SCFD2: variants seen among roughly 807,000 people sequenced by gnomAD.
SCFD2 encodes the protein sec1 family domain-containing protein 2.
Under a neutral mutation model 58.9 loss-of-function variants are expected in SCFD2, and 54 were observed. That is an observed-to-expected ratio of 0.92 (90% CI 0.74 to 1.15). The LOEUF is 1.15. Ranked by LOEUF, SCFD2 falls within the 50% of genes most tolerant of loss-of-function variation. The pLI is 0.00. For synonymous variants in SCFD2, 321 were observed against 335.9 expected (o/e 0.96, Z 0.49); for missense variants, 805 against 836.6 (o/e 0.96, Z 0.47).
Position 52,959,927 on chromosome 4 carries a change from T to TACACACACACACACACACACACACACAC in SCFD2, c.1562-39058_1562-39057insGTGTGTGTGTGTGTGTGTGTGTGTGTGT, listed in dbSNP as rs773748716. On this transcript the variant is annotated intron_variant, in intron 5 of 8. Coordinates refer to ENST00000401642, the MANE Select transcript of SCFD2 (RefSeq NM_152540.4). ...ACACACACACACACACACACACACTTGAATCACCTATACAGAAGAAAACAG... is the reference window on the plus strand; with the variant it reads ...ACACACACACACACACACACACACTTACACACACACACACACACACACACACACGAATCACCTATACAGAAGAAAACAG... Among the ~76,000 whole-genome samples the TACACACACACACACACACACACACACAC allele has an allele frequency of 2.6e-5, 3 of 116,088 alleles. No individual in the cohort carries two copies. In the South Asian group the frequency reaches 8.8e-4, roughly 34 times the overall value. The allele number at this position is 116,088 out of a possible 152,430, so 76.2% of individuals were successfully genotyped here.
intron 5 of SCFD2, among the ~76,000 whole-genome samples, chr4:53,068,344 G>T (rs1432790953): frequency 1.3e-5 from 2 of 151,872 alleles, no homozygotes; most frequent in African/African-American, 4.8e-5. Flanking sequence ...AAATCAATTG[G>T]CAATTTTTCT....
chr4:53,325,394 T>C (rs1733158714), intron 2 of SCFD2, among the ~76,000 whole-genome samples: 1 of 151,602 alleles, frequency 6.6e-6, no homozygotes, highest in Admixed American at 6.6e-5. Flanking sequence ...CACCATTCAA[T>C]CAAATCACAA....
intron 5 of SCFD2, among the ~76,000 whole-genome samples, chr4:52,966,905 C>A (rs1300052442): frequency 6.6e-6 from 1 of 152,130 alleles, no homozygotes; most frequent in South Asian, 2.1e-4. Context: ...GTGGCATTAA[C>A]AACATTCACA....
Position 53,130,942 on chromosome 4 carries a change from A to G in SCFD2, c.1561+14391T>C, listed in dbSNP as rs537456310. Among the ~76,000 whole-genome samples, 5 of 152,330 alleles carry G rather than the reference A, an allele frequency of 3.3e-5. No homozygotes were observed. The East Asian group carries it at 9.6e-4, about 29-fold the overall frequency. ...TTGGGCGCCTGCCCCAACTCTCCTAAATATAGCTCTATCTCTGGCAAATAT... is the reference window on the plus strand; with the variant it reads ...TTGGGCGCCTGCCCCAACTCTCCTAGATATAGCTCTATCTCTGGCAAATAT... On this transcript the variant is annotated intron_variant, in intron 5 of 8. Transcript: ENST00000401642.
At chr4:53,127,052 C>G (rs528918455) in intron 5 of SCFD2, among the ~76,000 whole-genome samples, 3 of 152,250 alleles carry the variant, frequency 2.0e-5, no homozygotes, top group African/African-American at 7.2e-5. Context: ...GAGAAAGAAA[C>G]AGCTAATTTA....
chr4:52,975,983 T>G lies in SCFD2; in HGVS notation c.1562-55113A>C, dbSNP rs1466337579. ...GTGGGAATTGAACAATGAGAACACA[T>G]GGACACAGGAAGCGGAACATCACAC... is the stretch of plus-strand genomic sequence containing the variant. On this transcript the variant is annotated intron_variant, in intron 5 of 8. Coordinates refer to ENST00000401642, the MANE Select transcript of SCFD2 (RefSeq NM_152540.4). 4.9e-5 allele frequency among the ~76,000 whole-genome samples: 6 copies of G among 123,018 alleles called. No individual in the cohort carries two copies. The Admixed American group carries it at 5.4e-4, about 11-fold the overall frequency. The allele number at this position is 123,018 out of a possible 152,430, so 80.7% of individuals were successfully genotyped here.
intron 5 of SCFD2, among the ~76,000 whole-genome samples, chr4:53,010,172 G>C (rs1251429636): frequency 6.6e-6 from 1 of 152,134 alleles, no homozygotes; most frequent in Non-Finnish European, 1.5e-5. Context: ...TTCTTCCCGA[G>C]TTATTATCTT....
chr4:52,911,548 T>C (rs544288557), intron 6 of SCFD2, among the ~76,000 whole-genome samples: 1 of 152,128 alleles, frequency 6.6e-6, no homozygotes, highest in Non-Finnish European at 1.5e-5. Flanking sequence ...CACATTTATA[T>C]AGCAGGAGAA....
At chr4:53,347,302 C>A (rs746422299) in intron 2 of SCFD2, among the ~76,000 whole-genome samples, 8 of 152,178 alleles carry the variant, frequency 5.3e-5, no homozygotes, top group Non-Finnish European at 1.0e-4. Context: ...ACTCACCGAT[C>A]CTGCCCTGGC....
At chr4:53,001,820 C>T (rs567280108) in intron 5 of SCFD2, among the ~76,000 whole-genome samples, 4 of 152,292 alleles carry the variant, frequency 2.6e-5, no homozygotes, top group East Asian at 3.9e-4. Flanking sequence ...TCACTTAATC[C>T]TCAGAGTAAA....
At chr4:53,184,450 G>GTA (rs1317442761) in intron 4 of SCFD2, among the ~76,000 whole-genome samples, 1 of 152,120 alleles carries the variant, frequency 6.6e-6, no homozygotes, top group Non-Finnish European at 1.5e-5. Context: ...AATGGATATA[G>GTA]TATAGACAGC....
intron 1 of SCFD2, among the ~76,000 whole-genome samples, chr4:53,362,305 G>T (rs1734568913): frequency 6.6e-6 from 1 of 152,182 alleles, no homozygotes; most frequent in African/African-American, 2.4e-5. Flanking sequence ...AGCCAATGTT[G>T]TAAGAGGGGA....
chr4:53,323,295 T>C (rs1733078615), intron 2 of SCFD2, among the ~76,000 whole-genome samples: 1 of 152,198 alleles, frequency 6.6e-6, no homozygotes, highest in African/African-American at 2.4e-5. Context: ...TTTTGTACTA[T>C]CTCCTTTGAT....
chr4:53,352,535 G>T, intron 2 of SCFD2, 63 bp downstream of exon 2: 3 of 1,371,882 alleles, frequency 2.2e-6, no homozygotes, highest in Non-Finnish European at 3.0e-6. Flanking sequence ...GGAATACTCA[G>T]TCTAGGAGAA....
At chr4:53,103,933 A>G (rs4864720) in intron 5 of SCFD2, among the ~76,000 whole-genome samples, 29,976 of 147,290 alleles carry the variant, frequency 0.2, 3,415 homozygotes, top group Non-Finnish European at 0.26. Context: ...GACGTATTGG[A>G]GTATAACCCA....
At chr4:53,121,139 ATC>A (rs2148892026) in intron 5 of SCFD2, among the ~76,000 whole-genome samples, 1 of 152,340 alleles carries the variant, frequency 6.6e-6, no homozygotes, top group East Asian at 1.9e-4. Context: ...TTCCAATTTG[ATC>A]AGAACTGTCG....
At chr4:53,330,267 A>T (rs1733395419) in intron 2 of SCFD2, among the ~76,000 whole-genome samples, 1 of 152,150 alleles carries the variant, frequency 6.6e-6, no homozygotes, top group South Asian at 2.1e-4. Flanking sequence ...ACTCCTCAAG[A>T]AGAGCAACTC....
chr4:53,246,720 T>C (rs539143031), intron 4 of SCFD2, among the ~76,000 whole-genome samples: 9 of 152,218 alleles, frequency 5.9e-5, no homozygotes, highest in Non-Finnish European at 8.8e-5. Flanking sequence ...ATTAATTGAA[T>C]GTAAAACCTA....
intron 5 of SCFD2, among the ~76,000 whole-genome samples, chr4:52,966,827 A>C (rs1720975209): frequency 6.6e-6 from 1 of 152,214 alleles, no homozygotes; most frequent in Admixed American, 6.5e-5. Flanking sequence ...GTTTTTAAAA[A>C]AAATTGTGTA....
Sources: allele counts gnomAD v4.1 joint callset (sites outside exome capture counted in the v4.1 genomes callset), GRCh38; gene constraint gnomAD v4.1.1; transcripts MANE v1.5; gene names NCBI Gene and HGNC (gene_info 2026-07-23, HGNC 2026-07-21).